The following STAT6 variants were observed in gnomAD, a reference collection of about 807,000 sequenced individuals.
STAT6 encodes the protein signal transducer and activator of transcription 6.
Under a neutral mutation model 106.3 loss-of-function variants are expected in STAT6, and 45 were observed. That is an observed-to-expected ratio of 0.42 (90% CI 0.33 to 0.54). STAT6 has a LOEUF of 0.54. Among genes scored for constraint, STAT6 ranks in the 20% least tolerant of loss-of-function variants. The pLI is 0.06. For synonymous variants in STAT6, 413 were observed against 413.6 expected, an observed-to-expected ratio of 1.00 and a Z score of 0.02; for missense variants, 797 against 1,062.2, an observed-to-expected ratio of 0.75 and a Z score of 3.47.
chr12:57,105,172 G>A lies in STAT6; in HGVS notation c.980C>T (p.Pro327Leu). The A allele has an allele frequency of 6.2e-7, 1 of 1,613,260 alleles. No homozygotes were observed. The highest frequency in any genetic ancestry group is 8.5e-7 in the Non-Finnish European group (1 of 1,179,658). ...TEKQARELSV[P>L]QGPGAGAEST... ...TTACGCTCCAGCCCCAGGACCCTGA[G>A]GCACACTCAGCTCCCGCGCCTGCTT... The change falls in exon 9 of 22, where the codon CCT becomes CTT. Residue 327 changes from proline to leucine, a missense_variant. Around this residue, in one of 4 missense-constraint regions of STAT6, gnomAD observed 336 missense variants for 429.8 expected, o/e 0.78. Coordinates refer to ENST00000300134, the MANE Select transcript of STAT6 (RefSeq NM_003153.5).
At chr12:57,105,447 C>G in intron 8 of STAT6, 21 bp downstream of exon 8, 1 of 1,613,814 alleles carries the variant, frequency 6.2e-7, no homozygotes, top group African/African-American at 1.3e-5. Flanking sequence ...CTAGGCCAGA[C>G]TGGGAGCTCC....
intron 1 of STAT6, among the ~76,000 whole-genome samples, chr12:57,109,075 G>A (rs569340769): frequency 2.6e-5 from 4 of 152,232 alleles, no homozygotes; most frequent in African/African-American, 7.2e-5. Context: ...GGTGGCGAGC[G>A]CCTGTAGTCC....
intron 7 of STAT6, chr12:57,105,837 C>G: frequency 4.1e-6 from 3 of 728,518 alleles, no homozygotes; most frequent in Non-Finnish European, 6.5e-6. Context: ...GCCTCTCCCC[C>G]GACGGCTCTT....
chr12:57,110,338 A>C (rs2034508864), intron 1 of STAT6: 1 of 152,228 alleles, frequency 6.6e-6, no homozygotes. Flanking sequence ...CTTGAAGGGG[A>C]AGGGAGGGAG....
At position 57,111,354 on chromosome 12, in the gene STAT6, G is replaced by C. The variant is rs1419216716; in HGVS notation, c.-247C>G. ...GTCCTCCCTCTTCAGTGTAAGCAGT[G>C]GCTGCCCCAGCCCGCTGTTTCCGGC... On this transcript the variant is annotated 5_prime_UTR_variant, in exon 1 of 22. Coordinates refer to ENST00000300134, the MANE Select transcript of STAT6 (RefSeq NM_003153.5). 6.6e-6 allele frequency: 1 copy of C among 152,566 alleles called. No individual in the cohort carries two copies. The highest frequency in any genetic ancestry group is 1.5e-5 in the Non-Finnish European group (1 of 68,452). The allele number at this position is 152,566 out of a possible 1,614,324, so 9.5% of individuals were successfully genotyped here. A position where few individuals can be genotyped will look rare whatever the true frequency, so the allele number is the denominator to read the frequency against.
chr12:57,100,694 AAGAAAGAGAAAGAAAGAAAGAAAG>A, intron 13 of STAT6, among the ~76,000 whole-genome samples: 1 of 28,972 alleles, frequency 3.5e-5, no homozygotes, highest in Non-Finnish European at 7.9e-5. Context: ...GAAAGAAAGA[AAGAAAGAGAAAGAAAGAAAGAAAG>A]AAAGAAAGAA....
At chr12:57,104,362 G>A in intron 11 of STAT6, 102 bp downstream of exon 11, 7 of 1,473,698 alleles carry the variant, frequency 4.7e-6, no homozygotes, top group Non-Finnish European at 6.4e-6. Context: ...AGACACATGG[G>A]GTATGGGGCA....
intron 2 of STAT6, 85 bp downstream of exon 2, chr12:57,108,078 C>T: frequency 1.1e-6 from 1 of 894,128 alleles, no homozygotes; most frequent in Middle Eastern, 2.7e-4. Flanking sequence ...GTTCTGAATC[C>T]ATGGGTGAGG....
rs1468192336 is a variant in STAT6 at position 57,107,792 on chromosome 12, T to A, written c.117-49A>T. ...TACCTCAGGCCAGGGCTTCCTCAGC[T>A]CTCCTGACCCTTTACCCCACAGCCA... On this transcript the variant is annotated intron_variant, in intron 2 of 21. Transcript: ENST00000300134. 3.7e-6 allele frequency: 6 copies of A among 1,609,708 alleles called. No individual in the cohort carries two copies. The South Asian group carries it at 5.5e-5, about 15-fold the overall frequency.
At chr12:57,100,700 G>GAGAAAGAAAGAGAA (rs2033836535) in intron 13 of STAT6, 1 of 62,936 alleles carries the variant, frequency 1.6e-5, no homozygotes, top group African/African-American at 8.4e-5. Flanking sequence ...AAGAAAGAAA[G>GAGAAAGAAAGAGAA]AGAAAGAAAG....
rs972296908 is a variant in STAT6, at chr12:57,099,847, G to T, written c.1664C>A (p.Pro555His). The T allele has an allele frequency of 5.0e-6, 8 of 1,614,134 alleles. No individual in the cohort carries two copies. The highest frequency in any genetic ancestry group is 6.8e-6 in the Non-Finnish European group (8 of 1,180,054). Residue 555 changes from proline (P) to histidine (H), a missense_variant, in exon 15 of 22, where the codon CCC (proline) becomes CAC (histidine). Around this residue, in one of 4 missense-constraint regions of STAT6, gnomAD observed 222 missense variants for 354.6 expected, o/e 0.63. Transcript: ENST00000300134. This position sits in a 1 kb window ranked among gnomAD's most constrained non-coding sequence, Gnocchi z 4.7. ...GAAGCGGAGGAGAAAGGTTCCGTCG[G>T]GCTCATTGAGAAGAAGGCTAGTAAC... is the stretch of plus-strand genomic sequence containing the variant. ...QYVTSLLLNE[P>H]DGTFLLRFSD...
intron 1 of STAT6, among the ~76,000 whole-genome samples, chr12:57,109,223 G>A (rs2034453435): frequency 6.6e-6 from 1 of 151,770 alleles, no homozygotes; most frequent in African/African-American, 2.4e-5. Flanking sequence ...ATAAATAAAT[G>A]AAATAAAATA....
At chr12:57,098,681 T>G in intron 18 of STAT6, 84 bp from the exon 19 acceptor site, 2 of 1,565,838 alleles carry the variant, frequency 1.3e-6, no homozygotes, top group Non-Finnish European at 1.7e-6. Flanking sequence ...GTCCCTCTCA[T>G]GGAAAGGAAG....
chr12:57,105,082 G>A lies in STAT6; in HGVS notation c.1001+69C>T, dbSNP rs368706719. On this transcript the variant is annotated intron_variant, in intron 9 of 21. Coordinates refer to ENST00000300134, the MANE Select transcript of STAT6 (RefSeq NM_003153.5). Reference sequence around the variant, plus strand: ...CTCCCCATCCCTTGCTCTTTTCAGTGCCAGCCCTCCAGGCTGCCTCCATCA... The same window carrying A: ...CTCCCCATCCCTTGCTCTTTTCAGTACCAGCCCTCCAGGCTGCCTCCATCA... 2.0e-5 allele frequency: 30 copies of A among 1,525,344 alleles called. No homozygotes were observed. In the African/African-American group the frequency reaches 3.7e-4, roughly 19 times the overall value. 94.5% of individuals were successfully genotyped at this position (1,525,344 alleles called of 1,614,324 possible). A position where few individuals can be genotyped will look rare whatever the true frequency, so the allele number is the denominator to read the frequency against.
chr12:57,107,632 G>A lies in STAT6; in HGVS notation c.228C>T (p.Thr76=). 6.2e-7 allele frequency: 1 copy of A among 1,613,544 alleles called. No individual in the cohort carries two copies. The highest frequency in any genetic ancestry group is 8.5e-7 in the Non-Finnish European group (1 of 1,179,768). ...CAAGGGTGCTGATGTGTTGCAAGATGGTGCTCCCCTCCCCCTGCTCTCCCA... is the reference window on the plus strand; with the variant it reads ...CAAGGGTGCTGATGTGTTGCAAGATAGTGCTCCCCTCCCCCTGCTCTCCCA... ...ASVGEQGEGS[T]ILQHISTLES... The change falls in exon 3 of 22, where the codon ACC becomes ACT. Residue 76 remains threonine (T), a synonymous_variant. Coordinates refer to ENST00000300134, the MANE Select transcript of STAT6 (RefSeq NM_003153.5).
At position 57,095,852 on chromosome 12, in the gene STAT6, G is replaced by GGT. The variant is rs2033377024; in HGVS notation, c.*718_*719dup. 1 of 152,262 alleles carries GGT rather than the reference G, an allele frequency of 6.6e-6. No individual in the cohort carries two copies. Among genetic ancestry groups the GGT allele is most frequent in the South Asian group, 2.1e-4 (1 of 4,834 alleles). 9.4% of individuals were successfully genotyped at this position (152,262 alleles called of 1,614,324 possible). ...ATGTTCTATGTGGTCATGCAACTAA[G>GGT]GTGCCAGCTATACATTTAACATATC... On this transcript the variant is annotated 3_prime_UTR_variant, in exon 22 of 22. Transcript: ENST00000300134.
chr12:57,102,715 T>A, intron 12 of STAT6, 114 bp downstream of exon 12: 2 of 990,796 alleles, frequency 2.0e-6, no homozygotes, highest in Non-Finnish European at 3.1e-6. Flanking sequence ...CATGAGAAAG[T>A]GTTAAGGTCA....
In STAT6 at chr12:57,099,649, G is replaced by A. The variant is rs2033687340; in HGVS notation, c.1744+118C>T. ...TTAGACCACAGAAGGAAGAAGAGAAGCTGGAAGAACTTCCTGAAGATCAGG... is the reference window on the plus strand; with the variant it reads ...TTAGACCACAGAAGGAAGAAGAGAAACTGGAAGAACTTCCTGAAGATCAGG... On this transcript the variant is annotated intron_variant, in intron 15 of 21. Coordinates refer to ENST00000300134, the MANE Select transcript of STAT6 (RefSeq NM_003153.5). This position sits in a 1 kb window ranked among gnomAD's most constrained non-coding sequence, Gnocchi z 4.7. The A allele has an allele frequency of 6.8e-7, 1 of 1,473,632 alleles. No homozygotes were observed. Among genetic ancestry groups the A allele is most frequent in the Non-Finnish European group, 9.2e-7 (1 of 1,087,092 alleles). 91.3% of individuals were successfully genotyped at this position (1,473,632 alleles called of 1,614,324 possible). A position where few individuals can be genotyped will look rare whatever the true frequency, so the allele number is the denominator to read the frequency against.
chr12:57,107,861 C>A, intron 2 of STAT6, 118 bp from the exon 3 acceptor site: 1 of 1,393,188 alleles, frequency 7.2e-7, no homozygotes, highest in Admixed American at 2.2e-5. Flanking sequence ...TCCATCTAGG[C>A]CCTCTGTAGC....
Sources: gnomAD v4.1 joint callset for allele counts (sites outside exome capture counted in the v4.1 genomes callset) on GRCh38, gnomAD v4.1.1 for gene constraint, gnomAD v4.1.1 regional missense constraint, Gnocchi (gnomAD v3.1) non-coding constraint, MANE v1.5 for transcripts, NCBI Gene and HGNC (gene_info 2026-07-23, HGNC 2026-07-21) for gene names.